Variants in HIVEP3 observed in about 807,000 individuals in gnomAD.
The protein encoded by HIVEP3 is HIVEP zinc finger 3, also known as transcription factor HIVEP3.
A neutral mutation model predicts 152.8 loss-of-function variants in HIVEP3; 49 were observed. That is an observed-to-expected ratio of 0.32 (90% CI 0.26 to 0.41). HIVEP3 has a LOEUF of 0.41. Among genes scored for constraint, HIVEP3 ranks in the 10% least tolerant of loss-of-function variants. The pLI, the probability that HIVEP3 is intolerant of heterozygous loss-of-function variation, is 1.00. For missense variants in HIVEP3, 2,790 were observed against 3,103.3 expected (o/e 0.90, Z 2.40); for synonymous variants, 1,269 against 1,289.0 (o/e 0.98, Z 0.33).
At chr1:41,531,145 A>T (rs1643233475) in intron 5 of HIVEP3, among the ~76,000 whole-genome samples, 1 of 148,166 alleles carries the variant, frequency 6.7e-6, no homozygotes, top group Non-Finnish European at 1.5e-5. Flanking sequence ...GGAGAGATGG[A>T]GGACAGGAGA....
At chr1:41,644,288 G>A (rs1424478135) in intron 2 of HIVEP3, among the ~76,000 whole-genome samples, 1 of 152,098 alleles carries the variant, frequency 6.6e-6, no homozygotes, top group Non-Finnish European at 1.5e-5. Context: ...TGGACCTATG[G>A]GACAGTACGT....
At chr1:41,661,104 T>C (rs1645704951) in intron 2 of HIVEP3, among the ~76,000 whole-genome samples, 1 of 152,204 alleles carries the variant, frequency 6.6e-6, no homozygotes, top group African/African-American at 2.4e-5. Flanking sequence ...GTGATCTCAA[T>C]CTTTCTTAAA....
At chr1:41,727,176 C>G (rs147733509) in intron 1 of HIVEP3, among the ~76,000 whole-genome samples, 2,208 of 152,340 alleles carry the variant, frequency 0.014, 26 homozygotes, top group Non-Finnish European at 0.018. Flanking sequence ...TGGAGCTTCA[C>G]GTGTGTCATC....
At chr1:41,744,782 T>C (rs961708800) in intron 1 of HIVEP3, among the ~76,000 whole-genome samples, 3 of 152,188 alleles carry the variant, frequency 2.0e-5, no homozygotes, top group Non-Finnish European at 2.9e-5. Flanking sequence ...TTCCAACACA[T>C]ACATATCTAA....
chr1:41,727,941 G>T (rs564253930), intron 1 of HIVEP3, among the ~76,000 whole-genome samples: 28 of 152,188 alleles, frequency 1.8e-4, no homozygotes, highest in Non-Finnish European at 3.1e-4. Flanking sequence ...AGGGCCTGAC[G>T]GGTGCATGTT....
At chr1:42,022,446 T>C (rs1645560165) in intron 1 of HIVEP3, among the ~76,000 whole-genome samples, 1 of 152,182 alleles carries the variant, frequency 6.6e-6, no homozygotes, top group Non-Finnish European at 1.5e-5. Context: ...AATTACCACA[T>C]CTGGAAGTGT....
intron 1 of HIVEP3, among the ~76,000 whole-genome samples, chr1:41,972,977 G>A (rs1373271367): frequency 9.9e-5 from 15 of 151,960 alleles, no homozygotes; most frequent in Admixed American, 9.8e-4. Context: ...GCAAAAAGAT[G>A]AGCAAGAATT....
At chr1:41,836,172 G>T (rs1643117214) in intron 1 of HIVEP3, among the ~76,000 whole-genome samples, 1 of 152,200 alleles carries the variant, frequency 6.6e-6, no homozygotes, top group African/African-American at 2.4e-5. Context: ...TGACCTTCAG[G>T]AGAGACGTCA....
At chr1:41,864,851 G>T (rs956534483) in intron 1 of HIVEP3, among the ~76,000 whole-genome samples, 5 of 152,228 alleles carry the variant, frequency 3.3e-5, no homozygotes, top group Non-Finnish European at 7.3e-5. Context: ...ACGCTTCAGC[G>T]CTGGCTGCCT....
chr1:41,955,495 C>CAA (rs200126429), intron 1 of HIVEP3, among the ~76,000 whole-genome samples: 3 of 150,306 alleles, frequency 2.0e-5, no homozygotes, highest in African/African-American at 7.3e-5. Flanking sequence ...CAACAGCACA[C>CAA]AAAAAAAAAC....
chr1:41,675,822 G>A (rs888554338), intron 2 of HIVEP3, among the ~76,000 whole-genome samples: 3 of 152,178 alleles, frequency 2.0e-5, no homozygotes, highest in African/African-American at 7.2e-5. Flanking sequence ...CAGGGGTGGT[G>A]GGTGAGCCCA....
In HIVEP3 at chr1:41,583,093, C is replaced by T. The variant is rs953524083; in HGVS notation, c.1705G>A (p.Asp569Asn). The T allele has an allele frequency of 1.6e-5, 25 of 1,612,886 alleles. No individual in the cohort carries two copies. Among genetic ancestry groups the T allele is most frequent in the Non-Finnish European group, 2.0e-5 (24 of 1,179,824 alleles). Reference protein sequence around the residue: ...GSYSFDDHITDSEALSHSSHV... With the variant: ...GSYSFDDHITNSEALSHSSHV... ...CTGCTGTGGCTCAGGGCTTCGGAGT[C>T]GGTGATATGGTCATCGAAGGAGTAG... The change falls in exon 4 of 9, where the codon GAC becomes AAC. Residue 569 changes from aspartate to asparagine, a missense_variant. Coordinates refer to ENST00000372583, the MANE Select transcript of HIVEP3 (RefSeq NM_024503.5). The surrounding 1 kb of genome is among the most constrained non-coding windows in gnomAD (Gnocchi z 6.9).
rs1270157780 is a variant in HIVEP3, at chr1:41,544,879, C to T, written c.5208-19969G>A. On this transcript the variant is annotated intron_variant, in intron 5 of 8. Transcript: ENST00000372583. ...ACCACCACCACCACCACCACCACTA[C>T]CACCTCTACCACCACCATCACCACC... 1.5e-3 allele frequency among the ~76,000 whole-genome samples: 134 copies of T among 92,258 alleles called. 5 individuals are homozygous for T. The highest frequency in any genetic ancestry group is 9.5e-3 in the East Asian group (13 of 1,364). 60.5% of individuals were successfully genotyped at this position (92,258 alleles called of 152,430 possible).
intron 1 of HIVEP3, among the ~76,000 whole-genome samples, chr1:42,035,050 A>C (rs1422802998): frequency 6.6e-6 from 1 of 152,230 alleles, no homozygotes; most frequent in Non-Finnish European, 1.5e-5. Flanking sequence ...TCCAGGATCT[A>C]TTTAGCTTTC....
intron 1 of HIVEP3, among the ~76,000 whole-genome samples, chr1:41,957,405 T>C (rs1394562634): frequency 6.6e-6 from 1 of 152,314 alleles, no homozygotes; most frequent in East Asian, 1.9e-4. Context: ...TAGAAAACTA[T>C]TGAGCACAGC....
chr1:41,806,964 T>A (rs1027729923), intron 1 of HIVEP3, among the ~76,000 whole-genome samples: 1 of 151,994 alleles, frequency 6.6e-6, no homozygotes, highest in Non-Finnish European at 1.5e-5. Context: ...CATCATTAGG[T>A]CACTGGGTCA....
At chr1:41,924,653 G>T (rs1425653823) in intron 1 of HIVEP3, among the ~76,000 whole-genome samples, 3 of 152,012 alleles carry the variant, frequency 2.0e-5, no homozygotes, top group Non-Finnish European at 4.4e-5. Flanking sequence ...TACCCACTGG[G>T]GTTGTTGACG....
intron 2 of HIVEP3, among the ~76,000 whole-genome samples, chr1:41,691,631 G>A (rs1015988201): frequency 3.9e-5 from 6 of 152,194 alleles, no homozygotes; most frequent in South Asian, 2.1e-4. Flanking sequence ...ATCAGATCAC[G>A]AATCTGCCTT....
chr1:41,732,507 G>A (rs1646856905), intron 1 of HIVEP3, among the ~76,000 whole-genome samples: 1 of 152,116 alleles, frequency 6.6e-6, no homozygotes, highest in Non-Finnish European at 1.5e-5. Context: ...AAGGCCACTG[G>A]GGCTGGTACT....
Sources: gnomAD v4.1 joint callset for allele counts (sites outside exome capture counted in the v4.1 genomes callset) on GRCh38, gnomAD v4.1.1 for gene constraint, Gnocchi (gnomAD v3.1) non-coding constraint, MANE v1.5 for transcripts, NCBI Gene and HGNC (gene_info 2026-07-23, HGNC 2026-07-21) for gene names.